The following YTHDF2 variants were observed in gnomAD, a reference collection of about 807,000 sequenced individuals.
YTHDF2 encodes the protein YTH N6-methyladenosine RNA binding protein F2.
YTHDF2 carries 2 observed loss-of-function variants against 50.4 expected under a neutral mutation model. The ratio of observed to expected loss-of-function variants is 0.04; its 90% CI spans 0.02 to 0.12. The LOEUF is 0.12. YTHDF2 is among the 10% of genes least tolerant of loss of function. The pLI is 1.00. For synonymous variants in YTHDF2, 217 were observed against 255.6 expected, an observed-to-expected ratio of 0.85 and a Z score of 1.44; for missense variants, 483 against 722.6, an observed-to-expected ratio of 0.67 and a Z score of 3.80.
Position 28,736,978 on chromosome 1 carries a change from G to C in YTHDF2, c.-143G>C. 1 of 1,026,560 alleles carries C rather than the reference G, an allele frequency of 9.7e-7. No individual in the cohort carries two copies. Among genetic ancestry groups the C allele is most frequent in the Non-Finnish European group, 1.4e-6 (1 of 709,572 alleles). 63.6% of individuals were successfully genotyped at this position (1,026,560 alleles called of 1,614,324 possible). ...GTCGGAGCCGGAGCCTGAGCCGCGC[G>C]CTGTGTCTCCGCTGCGTCCGCCGAG... On this transcript the variant is annotated 5_prime_UTR_variant, in exon 1 of 5. Transcript: ENST00000373812.
intron 4 of YTHDF2, among the ~76,000 whole-genome samples, chr1:28,752,825 C>G (rs764595900): frequency 1.3e-5 from 2 of 151,842 alleles, no homozygotes; most frequent in Non-Finnish European, 2.9e-5. Context: ...GGAGGATTGC[C>G]TGAGCTCAGG....
chr1:28,737,070 CCGCGCTGAGGAGAGTTCGCCGCCGT>C lies in YTHDF2; in HGVS notation c.-47_-23del, dbSNP rs780484284. 5.1e-6 allele frequency: 8 copies of C among 1,566,200 alleles called. No homozygotes were observed. The highest frequency in any genetic ancestry group is 2.4e-5 in the East Asian group (1 of 42,264). On this transcript the variant is annotated 5_prime_UTR_variant, in exon 1 of 5. Transcript: ENST00000373812. ...AGACGGGGCTCATCTGCCGCCGCCG[CCGCGCTGAGGAGAGTTCGCCGCCGT>C]CGCCGCCCGTGAGGATCTGAGAGCC...
chr1:28,747,676 C>G (rs1189341040), intron 4 of YTHDF2, among the ~76,000 whole-genome samples: 1 of 149,586 alleles, frequency 6.7e-6, no homozygotes, highest in Non-Finnish European at 1.5e-5. Context: ...CCTCTCCCTC[C>G]GAAAGTGCTG....
rs1184398525 is a variant in YTHDF2, at chr1:28,737,029, C to T, written c.-92C>T. The T allele has an allele frequency of 2.3e-5, 34 of 1,510,186 alleles. No homozygotes were observed. In the East Asian group the frequency reaches 8.0e-4, roughly 36 times the overall value. 93.5% of individuals were successfully genotyped at this position (1,510,186 alleles called of 1,614,324 possible). On this transcript the variant is annotated 5_prime_UTR_variant, in exon 1 of 5. Transcript: ENST00000373812. ...GCCCCCGAGTGTCAGGGACAAAAGCCTCCGCCTGCTCCCGCAGACGGGGCT... is the reference window on the plus strand; with the variant it reads ...GCCCCCGAGTGTCAGGGACAAAAGCTTCCGCCTGCTCCCGCAGACGGGGCT...
At chr1:28,761,378 T>A (rs1465095366) in intron 4 of YTHDF2, among the ~76,000 whole-genome samples, 25 of 151,820 alleles carry the variant, frequency 1.6e-4, no homozygotes, top group Admixed American at 1.6e-3. Flanking sequence ...GCTTAAGTGA[T>A]CCTCCTCCTT....
Position 28,743,993 on chromosome 1 carries a change from C to T in YTHDF2, c.1716+7C>T. ...AGAAGAAAGTGTTAAAAAGGTAACC[C>T]ACTTCTTCTTATTAAGATTTTTAGG... On this transcript the variant is annotated splice_region_variant and intron_variant, in intron 4 of 4. Transcript: ENST00000373812. The surrounding 1 kb of genome is among the most constrained non-coding windows in gnomAD (Gnocchi z 6.9). 6.6e-7 allele frequency: 1 copy of T among 1,525,728 alleles called. No homozygotes were observed. Among genetic ancestry groups the T allele is most frequent in the Non-Finnish European group, 8.8e-7 (1 of 1,141,448 alleles). The allele number at this position is 1,525,728 out of a possible 1,614,324, so 94.5% of individuals were successfully genotyped here.
At chr1:28,765,815 T>C (rs908435079) in intron 4 of YTHDF2, among the ~76,000 whole-genome samples, 3 of 152,238 alleles carry the variant, frequency 2.0e-5, no homozygotes, top group African/African-American at 7.2e-5. Context: ...TGAATGTTTT[T>C]AAAATGTGTA....
rs752116682 is a variant in YTHDF2 at position 28,742,399 on chromosome 1, A to G, written c.133-4A>G. 22 of 1,529,508 alleles carry G rather than the reference A, an allele frequency of 1.4e-5. 1 individual carries two copies. Among genetic ancestry groups the G allele is most frequent in the Middle Eastern group, 1.8e-4 (1 of 5,628 alleles). 94.7% of individuals were successfully genotyped at this position (1,529,508 alleles called of 1,614,324 possible). The stretch of plus-strand genomic sequence containing the variant: ...TTTGATTTGCCTTTTTTTTTCTTCC[A>G]CAGAATAATGCATATACTGCCATGT... On this transcript the variant is annotated splice_polypyrimidine_tract_variant and splice_region_variant and intron_variant, in intron 3 of 4. Transcript: ENST00000373812.
intron 4 of YTHDF2, among the ~76,000 whole-genome samples, chr1:28,760,546 C>T (rs907519511): frequency 3.3e-5 from 5 of 152,148 alleles, no homozygotes; most frequent in East Asian, 1.9e-4. Context: ...CCACCTGCCT[C>T]GGCCTCCCAT....
intron 4 of YTHDF2, among the ~76,000 whole-genome samples, chr1:28,749,109 GT>G (rs2087907906): frequency 6.7e-6 from 1 of 148,268 alleles, no homozygotes; most frequent in East Asian, 2.0e-4. Context: ...TTCCTGAAAA[GT>G]TTTGTTGAGG....
chr1:28,757,376 C>T (rs2088049055), intron 4 of YTHDF2, among the ~76,000 whole-genome samples: 1 of 152,134 alleles, frequency 6.6e-6, no homozygotes, highest in African/African-American at 2.4e-5. Flanking sequence ...AATGGCCAAT[C>T]CCCTGTGTGA....
intron 2 of YTHDF2, chr1:28,737,941 TAGA>T: frequency 1.7e-6 from 1 of 581,578 alleles, no homozygotes; most frequent in Non-Finnish European, 3.0e-6. Context: ...CTGTAGGTCT[TAGA>T]AGGCCTTTGT....
At chr1:28,745,722 CCG>C in intron 4 of YTHDF2, among the ~76,000 whole-genome samples, 2 of 77,696 alleles carry the variant, frequency 2.6e-5, no homozygotes, top group Non-Finnish European at 5.6e-5. Flanking sequence ...CCATCTCCCC[CCG>C]CCCCCCCCCC....
In YTHDF2 at chr1:28,769,726, T is replaced by C. The variant is rs1321876054; in HGVS notation, c.*774T>C. 6.6e-6 allele frequency: 1 copy of C among 152,660 alleles called. No individual in the cohort carries two copies. 9.5% of individuals were successfully genotyped at this position (152,660 alleles called of 1,614,324 possible). On this transcript the variant is annotated 3_prime_UTR_variant, in exon 5 of 5. Coordinates refer to ENST00000373812, the MANE Select transcript of YTHDF2 (RefSeq NM_016258.3). ...CAATGAGGAAAGGGCATTGCCTTTC[T>C]TTTTACCATTAATCACTTCTCAATA...
intron 3 of YTHDF2, chr1:28,739,257 C>G (rs2087742195): frequency 6.6e-6 from 1 of 151,300 alleles, no homozygotes; most frequent in African/African-American, 2.4e-5. Flanking sequence ...GGCTGTCTTT[C>G]TTTTCTCTAG....
intron 4 of YTHDF2, among the ~76,000 whole-genome samples, chr1:28,751,373 TACCACCCC>T (rs1390212147): frequency 6.6e-6 from 1 of 152,184 alleles, no homozygotes; most frequent in Non-Finnish European, 1.5e-5. Flanking sequence ...TTTAGTATCT[TACCACCCC>T]ACCACTGTTT....
intron 4 of YTHDF2, among the ~76,000 whole-genome samples, chr1:28,747,590 T>C (rs2087883636): frequency 1.4e-5 from 2 of 146,694 alleles, no homozygotes; most frequent in Admixed American, 1.4e-4. Flanking sequence ...TCTCACTCTG[T>C]CGCCCAGGCT....
intron 4 of YTHDF2, among the ~76,000 whole-genome samples, chr1:28,760,477 G>T (rs958437924): frequency 1.3e-5 from 2 of 152,000 alleles, no homozygotes; most frequent in African/African-American, 2.4e-5. Context: ...TGTATTTTTA[G>T]TAGAGACGGG....
chr1:28,742,252 C>T, intron 3 of YTHDF2, 151 bp from the exon 4 acceptor site: 2 of 1,001,244 alleles, frequency 2.0e-6, no homozygotes, highest in Non-Finnish European at 2.8e-6. Flanking sequence ...GCCTCCACCT[C>T]CCAAAGTGTA....
Sources: allele counts gnomAD v4.1 joint callset (sites outside exome capture counted in the v4.1 genomes callset), GRCh38; gene constraint gnomAD v4.1.1; non-coding constraint Gnocchi (gnomAD v3.1); transcripts MANE v1.5; gene names NCBI Gene and HGNC (gene_info 2026-07-23, HGNC 2026-07-21).